The following NTM variants were observed in gnomAD, a reference collection of about 807,000 sequenced individuals.
The protein encoded by NTM is IgLON family member 2.
A neutral mutation model predicts 42.1 loss-of-function variants in NTM; 13 were observed. The ratio of observed to expected loss-of-function variants is 0.31; its 90% CI spans 0.20 to 0.49. The LOEUF (loss-of-function observed/expected upper bound fraction) is 0.49. Among genes scored for constraint, NTM ranks in the 20% least tolerant of loss-of-function variants. The probability of loss-of-function intolerance (pLI) is 0.99; values close to 1 mark genes in which losing one functional copy is unlikely to be tolerated. For synonymous variants in NTM, 187 were observed against 179.2 expected, an observed-to-expected ratio of 1.04 and a Z score of -0.35; for missense variants, 373 against 452.8, an observed-to-expected ratio of 0.82 and a Z score of 1.60.
intron 7 of NTM, among the ~76,000 whole-genome samples, chr11:132,328,140 A>G (rs1432569872): frequency 6.6e-6 from 1 of 152,184 alleles, no homozygotes; most frequent in African/African-American, 2.4e-5. Context: ...CACAGAGGAC[A>G]GTGCCAGCAT....
chr11:131,794,642 A>AATGAATGG, intron 1 of NTM: 3 of 985,322 alleles, frequency 3.0e-6, no homozygotes, highest in Non-Finnish European at 3.6e-6. Context: ...TGAATGAATG[A>AATGAATGG]ATGAGTAGTG....
At chr11:131,992,762 G>T (rs907704174) in intron 2 of NTM, among the ~76,000 whole-genome samples, 4 of 152,134 alleles carry the variant, frequency 2.6e-5, no homozygotes, top group African/African-American at 9.7e-5. Flanking sequence ...CTTGGGTCTG[G>T]TGCCTACACT....
chr11:131,659,621 T>A (rs945432878), intron 1 of NTM, among the ~76,000 whole-genome samples: 1 of 152,252 alleles, frequency 6.6e-6, no homozygotes, highest in African/African-American at 2.4e-5. Context: ...CAAGAAACAT[T>A]TCTGAGTCAA....
At chr11:131,918,913 G>T (rs1487224638) in intron 2 of NTM, among the ~76,000 whole-genome samples, 1 of 152,160 alleles carries the variant, frequency 6.6e-6, no homozygotes, top group African/African-American at 2.4e-5. Flanking sequence ...TTCTTCCATT[G>T]ATCTTTGGCT....
chr11:131,702,859 A>G (rs1565445940), intron 1 of NTM, among the ~76,000 whole-genome samples: 2 of 152,216 alleles, frequency 1.3e-5, no homozygotes, highest in African/African-American at 4.8e-5. Context: ...GCAATAATAT[A>G]AACGGTGAGT....
chr11:131,501,628 C>G (rs944438012), intron 1 of NTM, among the ~76,000 whole-genome samples: 26 of 152,138 alleles, frequency 1.7e-4, no homozygotes, highest in African/African-American at 5.8e-4. Flanking sequence ...AATATTTCTG[C>G]TAGTCCAAGT....
At chr11:131,804,673 C>A (rs1194737195) in intron 1 of NTM, among the ~76,000 whole-genome samples, 1 of 152,202 alleles carries the variant, frequency 6.6e-6, no homozygotes, top group African/African-American at 2.4e-5. Context: ...ATCAGCCATT[C>A]CCTTCCTTGT....
intron 1 of NTM, among the ~76,000 whole-genome samples, chr11:131,456,020 TGACCC>T (rs1007824443): frequency 6.2e-4 from 94 of 152,340 alleles, no homozygotes; most frequent in African/African-American, 2.1e-3. Context: ...AGCAAAGTCT[TGACCC>T]ATTTGTGCCT....
intron 1 of NTM, among the ~76,000 whole-genome samples, chr11:131,821,060 A>G (rs2093167306): frequency 6.6e-6 from 1 of 152,026 alleles, no homozygotes; most frequent in Non-Finnish European, 1.5e-5. Context: ...ATAAGATGAA[A>G]TGTAGGGATT....
intron 1 of NTM, among the ~76,000 whole-genome samples, chr11:131,549,287 C>A (rs2054333897): frequency 1.3e-5 from 2 of 152,148 alleles, no homozygotes; most frequent in African/African-American, 4.8e-5. Context: ...CCTGTGAGAA[C>A]TTGACTCAGC....
At chr11:132,281,649 C>A (rs1487086669) in intron 4 of NTM, among the ~76,000 whole-genome samples, 2 of 152,104 alleles carry the variant, frequency 1.3e-5, no homozygotes, top group African/African-American at 4.8e-5. Context: ...AGCTTGATTC[C>A]AAAGCACAAT....
intron 1 of NTM, among the ~76,000 whole-genome samples, chr11:131,907,929 C>T (rs1269770770): frequency 2.0e-5 from 3 of 152,188 alleles, no homozygotes; most frequent in Admixed American, 6.5e-5. Context: ...CAAACCACTT[C>T]AATAGCCGGT....
intron 1 of NTM, chr11:131,671,416 A>T: frequency 1.0e-6 from 1 of 985,322 alleles, no homozygotes. Flanking sequence ...TATTCACAGG[A>T]TCCACCACAG....
intron 1 of NTM, among the ~76,000 whole-genome samples, chr11:131,724,778 G>A (rs1289916987): frequency 1.3e-5 from 2 of 152,220 alleles, no homozygotes; most frequent in Non-Finnish European, 2.9e-5. Flanking sequence ...TGGATCTCGG[G>A]TGAAGGACAG....
At chr11:131,726,211 C>A (rs2078949973) in intron 1 of NTM, among the ~76,000 whole-genome samples, 1 of 152,164 alleles carries the variant, frequency 6.6e-6, no homozygotes, top group Non-Finnish European at 1.5e-5. Flanking sequence ...CATCTATTTA[C>A]ACAGTTATCT....
At chr11:131,476,793 A>G (rs1459438559) in intron 1 of NTM, among the ~76,000 whole-genome samples, 2 of 99,904 alleles carry the variant, frequency 2.0e-5, no homozygotes, top group African/African-American at 6.8e-5. Context: ...CTCAGCCCAC[A>G]TAGGCGGAAA....
chr11:131,923,006 A>G (rs1187240727), intron 2 of NTM, among the ~76,000 whole-genome samples: 1 of 152,048 alleles, frequency 6.6e-6, no homozygotes, highest in Non-Finnish European at 1.5e-5. Context: ...GATCTGCTAT[A>G]AACTTATGGG....
chr11:131,553,252 C>T (rs1215703809), intron 1 of NTM, among the ~76,000 whole-genome samples: 2 of 152,078 alleles, frequency 1.3e-5, no homozygotes, highest in African/African-American at 2.4e-5. Flanking sequence ...CTTCAGTTTA[C>T]AATAATCCAT....
intron 2 of NTM, among the ~76,000 whole-genome samples, chr11:131,943,611 C>T (rs1340734059): frequency 6.6e-6 from 1 of 152,128 alleles, no homozygotes; most frequent in Non-Finnish European, 1.5e-5. Context: ...CTCGTTTTTT[C>T]CCTTCACTCT....
Sources: allele counts gnomAD v4.1 joint callset (sites outside exome capture counted in the v4.1 genomes callset), GRCh38; gene constraint gnomAD v4.1.1; transcripts MANE v1.5; gene names NCBI Gene and HGNC (gene_info 2026-07-23, HGNC 2026-07-21).